The following SLC24A2 variants were observed in gnomAD, a reference collection of about 807,000 sequenced individuals.
SLC24A2 encodes the protein sodium/potassium/calcium exchanger 2.
In SLC24A2, 36 loss-of-function variants were observed where a neutral mutation model predicts 62.0. The ratio of observed to expected loss-of-function variants is 0.58; its 90% CI spans 0.44 to 0.77. SLC24A2 has a LOEUF of 0.77. SLC24A2 is among the 30% of genes least tolerant of loss of function. The pLI is 0.00. For synonymous variants in SLC24A2, 358 were observed against 294.0 expected (o/e 1.22, Z -2.23); for missense variants, 846 against 817.9 (o/e 1.03, Z -0.42).
At chr9:19,946,583 C>T in the SLC24A2 span, among the ~76,000 whole-genome samples, 19 of 152,326 alleles carry the variant, frequency 1.2e-4, no homozygotes, top group African/African-American at 4.3e-4. Context: ...GAAATGCAGA[C>T]AGTTTCCAGA....
chr9:19,678,129 G>A (rs1311238421), intron 2 of SLC24A2, among the ~76,000 whole-genome samples: 1 of 152,138 alleles, frequency 6.6e-6, no homozygotes, highest in East Asian at 1.9e-4. Context: ...TGACTCCCAG[G>A]ACTGTTATGA....
the SLC24A2 span, among the ~76,000 whole-genome samples, chr9:20,165,833 C>A: frequency 2.0e-5 from 3 of 151,888 alleles, no homozygotes; most frequent in South Asian, 6.2e-4. Context: ...AAAATAAACA[C>A]ACCAGAAACA....
the SLC24A2 span, among the ~76,000 whole-genome samples, chr9:20,301,439 T>C: frequency 1.3e-5 from 2 of 152,170 alleles, no homozygotes; most frequent in African/African-American, 4.8e-5. Context: ...GCTGCATTTC[T>C]CCCCTTCTAT....
intron 8 of SLC24A2, among the ~76,000 whole-genome samples, chr9:19,545,072 G>T (rs1408861504): frequency 4.6e-5 from 7 of 152,234 alleles, no homozygotes; most frequent in African/African-American, 1.7e-4. Flanking sequence ...CCAATCAGAG[G>T]TGGATTTGAT....
At chr9:19,666,701 A>G (rs1300860307) in intron 2 of SLC24A2, among the ~76,000 whole-genome samples, 2 of 152,282 alleles carry the variant, frequency 1.3e-5, no homozygotes, top group Admixed American at 1.3e-4. Context: ...TCTCTTGACT[A>G]GCAGCTTTTT....
intron 5 of SLC24A2, among the ~76,000 whole-genome samples, chr9:19,587,194 A>G (rs890030363): frequency 3.9e-5 from 6 of 152,222 alleles, no homozygotes; most frequent in African/African-American, 1.4e-4. Context: ...TGCTCAAGAA[A>G]TAGGTGTTGA....
the SLC24A2 span, among the ~76,000 whole-genome samples, chr9:19,910,858 T>A: frequency 1.3e-5 from 2 of 151,674 alleles, no homozygotes; most frequent in African/African-American, 4.8e-5. Context: ...AGCTCTCTGT[T>A]CTATCTTTCT....
At chr9:20,045,419 CTTATTA>C in the SLC24A2 span, among the ~76,000 whole-genome samples, 123 of 151,710 alleles carry the variant, frequency 8.1e-4, no homozygotes, top group Non-Finnish European at 1.5e-3. Flanking sequence ...AAAGGAACAC[CTTATTA>C]TTATTATTAT....
At chr9:19,557,677 T>A (rs1191074536) in intron 7 of SLC24A2, among the ~76,000 whole-genome samples, 1 of 152,076 alleles carries the variant, frequency 6.6e-6, no homozygotes, top group Admixed American at 6.5e-5. Context: ...TATTGGTGTC[T>A]GAGTATGTTA....
the SLC24A2 span, among the ~76,000 whole-genome samples, chr9:20,147,803 G>C: frequency 4.1e-4 from 62 of 152,182 alleles, no homozygotes; most frequent in African/African-American, 1.3e-3. Context: ...AAGAAAACTA[G>C]ACCTAATCTC....
At chr9:19,777,209 C>T (rs572174060) in intron 2 of SLC24A2, among the ~76,000 whole-genome samples, 1 of 152,296 alleles carries the variant, frequency 6.6e-6, no homozygotes, top group Admixed American at 6.5e-5. Flanking sequence ...ACACAGGAAA[C>T]TGGCAATCTA....
chr9:19,564,683 A>C (rs908982617), intron 7 of SLC24A2, among the ~76,000 whole-genome samples: 1 of 152,186 alleles, frequency 6.6e-6, no homozygotes, highest in African/African-American at 2.4e-5. Flanking sequence ...AAATCTTAGA[A>C]GTGAAATGAA....
At chr9:19,727,297 A>C (rs796948799) in intron 2 of SLC24A2, among the ~76,000 whole-genome samples, 12 of 152,346 alleles carry the variant, frequency 7.9e-5, no homozygotes, top group African/African-American at 2.9e-4. Flanking sequence ...ATGAAACAAA[A>C]AAAGAATATT....
At chr9:19,927,931 C>G in the SLC24A2 span, 1 of 152,392 alleles carries the variant, frequency 6.6e-6, no homozygotes, top group Non-Finnish European at 1.5e-5. Flanking sequence ...AAAAGCCTGC[C>G]ACTTGTGAGC....
chr9:19,600,076 G>C (rs1360013728), intron 4 of SLC24A2, among the ~76,000 whole-genome samples: 1 of 152,164 alleles, frequency 6.6e-6, no homozygotes, highest in Non-Finnish European at 1.5e-5. Context: ...GCTAGGATTG[G>C]AAGAGCCATA....
chr9:19,742,801 T>C (rs2118773351), intron 2 of SLC24A2, among the ~76,000 whole-genome samples: 1 of 152,278 alleles, frequency 6.6e-6, no homozygotes, highest in South Asian at 2.1e-4. Flanking sequence ...TCCTCAGGAA[T>C]GTCTCTCACA....
the SLC24A2 span, among the ~76,000 whole-genome samples, chr9:19,993,468 C>T: frequency 6.6e-6 from 1 of 152,144 alleles, no homozygotes; most frequent in Non-Finnish European, 1.5e-5. Flanking sequence ...TATTTTATAA[C>T]CATCTATGGA....
chr9:20,190,926 G>C, the SLC24A2 span, among the ~76,000 whole-genome samples: 2 of 152,160 alleles, frequency 1.3e-5, no homozygotes, highest in African/African-American at 4.8e-5. Flanking sequence ...TACATAAAAA[G>C]TTCTCCAAAA....
the SLC24A2 span, among the ~76,000 whole-genome samples, chr9:19,858,095 C>T: frequency 6.6e-6 from 1 of 152,216 alleles, no homozygotes; most frequent in Non-Finnish European, 1.5e-5. Context: ...TGTTACCTCA[C>T]TTCCAACTAT....
Sources: gnomAD v4.1 joint callset for allele counts (sites outside exome capture counted in the v4.1 genomes callset) on GRCh38, gnomAD v4.1.1 for gene constraint, MANE v1.5 for transcripts, NCBI Gene and HGNC (gene_info 2026-07-23, HGNC 2026-07-21) for gene names.